The following FOXP1 variants were observed in gnomAD, a reference collection of about 807,000 sequenced individuals.
FOXP1 encodes forkhead box P1.
In FOXP1, 15 loss-of-function variants were observed where a neutral mutation model predicts 98.2. That is an observed-to-expected ratio of 0.15 (90% CI 0.10 to 0.24). The LOEUF (loss-of-function observed/expected upper bound fraction) is 0.24. Ranked by LOEUF, FOXP1 falls within the 10% of genes least tolerant of loss-of-function variation. The pLI is 1.00. For missense variants in FOXP1, 633 were observed against 848.5 expected, an observed-to-expected ratio of 0.75 and a Z score of 3.15; for synonymous variants, 371 against 314.5, an observed-to-expected ratio of 1.18 and a Z score of -1.90.
In FOXP1 at chr3:71,456,948, T is replaced by C. The variant is rs75492878; in HGVS notation, c.-168+36478A>G. ...CCTGGTAACTTATCTGAGAGATGTG[T>C]CATTTACCCTTAAAGACAGCAGAAT... is the stretch of plus-strand genomic sequence containing the variant. On this transcript the variant is annotated intron_variant, in intron 3 of 20. Transcript: ENST00000649528. Among the ~76,000 whole-genome samples the C allele has an allele frequency of 6.4e-4, 97 of 152,162 alleles. 1 individual carries two copies. The East Asian group carries it at 0.017, about 26-fold the overall frequency.
intron 12 of FOXP1, among the ~76,000 whole-genome samples, chr3:71,008,215 G>A (rs1347091542): frequency 6.6e-6 from 1 of 152,104 alleles, no homozygotes; most frequent in African/African-American, 2.4e-5. Flanking sequence ...TAAAAACAGG[G>A]AAATGTGGTC....
At chr3:71,514,449 T>C (rs2042416223) in intron 2 of FOXP1, among the ~76,000 whole-genome samples, 1 of 152,236 alleles carries the variant, frequency 6.6e-6, no homozygotes, top group South Asian at 2.1e-4. Flanking sequence ...TCTGTCTGTC[T>C]GCATCCTTTC....
At chr3:71,191,384 G>A (rs569080722) in intron 6 of FOXP1, among the ~76,000 whole-genome samples, 5 of 152,226 alleles carry the variant, frequency 3.3e-5, no homozygotes, top group South Asian at 2.1e-4. Flanking sequence ...TTAGCTCACC[G>A]GTCAGGGCTT....
At chr3:70,981,689 G>C (rs1222896335) in intron 14 of FOXP1, among the ~76,000 whole-genome samples, 2 of 152,176 alleles carry the variant, frequency 1.3e-5, no homozygotes, top group Non-Finnish European at 2.9e-5. Context: ...GAGCAGCTGT[G>C]GCCATTCCAA....
intron 3 of FOXP1, among the ~76,000 whole-genome samples, chr3:71,432,865 AATT>A (rs1175702663): frequency 0.027 from 4,033 of 148,014 alleles, 222 homozygotes; most frequent in African/African-American, 0.092. Flanking sequence ...AAAAAAAAAA[AATT>A]AAAAAAAAAA....
chr3:71,103,154 C>G (rs1343603461), intron 7 of FOXP1, among the ~76,000 whole-genome samples: 8 of 152,014 alleles, frequency 5.3e-5, no homozygotes, highest in Admixed American at 1.3e-4. Context: ...CACATTATCT[C>G]AAGATAGTGA....
intron 6 of FOXP1, among the ~76,000 whole-genome samples, chr3:71,185,711 C>G (rs1284596800): frequency 1.3e-5 from 2 of 152,192 alleles, no homozygotes; most frequent in Non-Finnish European, 2.9e-5. Flanking sequence ...ACTTACTTGT[C>G]TCAAAATTTA....
chr3:71,229,591 A>C (rs2066118577), intron 5 of FOXP1, among the ~76,000 whole-genome samples: 1 of 152,168 alleles, frequency 6.6e-6, no homozygotes, highest in Non-Finnish European at 1.5e-5. Flanking sequence ...CTGTCAGGGA[A>C]AAAAAGGGTT....
intron 6 of FOXP1, among the ~76,000 whole-genome samples, chr3:71,132,769 T>G (rs924003795): frequency 1.3e-5 from 2 of 152,190 alleles, no homozygotes; most frequent in African/African-American, 4.8e-5. Flanking sequence ...CAGTTTAGCA[T>G]TTGCCTTGTG....
rs544916383 is a variant in FOXP1 at position 70,979,279 on chromosome 3, CAAAAAAAAAAAAAAAAAAAA to C, written c.1147-1270_1147-1251del. Among the ~76,000 whole-genome samples the C allele has an allele frequency of 5.1e-3, 216 of 42,564 alleles. 2 individuals are homozygous for C. The highest frequency in any genetic ancestry group is 0.022 in the Middle Eastern group (1 of 46). The allele number at this position is 42,564 out of a possible 152,430, so 27.9% of individuals were successfully genotyped here. ...TGGGTGATAGAGTGAGACTCTACCT[CAAAAAAAAAAAAAAAAAAAA>C]AAAAAAAAAAAAAAAAAAAAAGAAA... On this transcript the variant is annotated intron_variant, in intron 14 of 20. Coordinates refer to ENST00000649528, the MANE Select transcript of FOXP1 (RefSeq NM_001349338.3).
chr3:71,261,864 A>T (rs1159568143), intron 5 of FOXP1, among the ~76,000 whole-genome samples: 1 of 152,186 alleles, frequency 6.6e-6, no homozygotes, highest in Non-Finnish European at 1.5e-5. Context: ...TTCCAATAAG[A>T]GGGTACACAA....
intron 6 of FOXP1, among the ~76,000 whole-genome samples, chr3:71,147,197 G>GC (rs1164737647): frequency 6.6e-6 from 1 of 152,098 alleles, no homozygotes; most frequent in African/African-American, 2.4e-5. Context: ...TTCCCTTCTT[G>GC]CCCCCTATAA....
intron 5 of FOXP1, among the ~76,000 whole-genome samples, chr3:71,231,483 C>T (rs9852249): frequency 0.021 from 3,256 of 152,194 alleles, 136 homozygotes; most frequent in African/African-American, 0.074. Context: ...GAGAGAATTA[C>T]TATAATTTAT....
chr3:70,972,420 C>T, intron 18 of FOXP1, 135 bp downstream of exon 18: 1 of 1,317,394 alleles, frequency 7.6e-7, no homozygotes, highest in Non-Finnish European at 1.1e-6. Context: ...GGATGAAATG[C>T]TTTTTTGCTT....
intron 2 of FOXP1, among the ~76,000 whole-genome samples, chr3:71,521,224 G>A (rs2042960449): frequency 6.6e-6 from 1 of 152,126 alleles, no homozygotes; most frequent in African/African-American, 2.4e-5. Context: ...ACTGTAATCT[G>A]AAGTAAATAT....
chr3:70,961,821 G>A (rs561748792), intron 20 of FOXP1, among the ~76,000 whole-genome samples: 137 of 152,252 alleles, frequency 9.0e-4, no homozygotes, highest in Middle Eastern at 6.8e-3. Flanking sequence ...AGTTACTTGG[G>A]AGGCTAAGGT....
At chr3:71,485,848 A>G (rs1387809440) in intron 3 of FOXP1, among the ~76,000 whole-genome samples, 2 of 151,918 alleles carry the variant, frequency 1.3e-5, no homozygotes, top group African/African-American at 4.8e-5. Flanking sequence ...ATTTTTTTCA[A>G]CTGAGGAAAA....
chr3:71,031,191 T>C (rs1219489028), intron 11 of FOXP1, among the ~76,000 whole-genome samples: 2 of 152,086 alleles, frequency 1.3e-5, no homozygotes, highest in African/African-American at 4.8e-5. Flanking sequence ...AAATACACAA[T>C]ACACAAAAGC....
chr3:71,116,101 C>T (rs759856810), intron 6 of FOXP1, among the ~76,000 whole-genome samples: 3 of 152,304 alleles, frequency 2.0e-5, no homozygotes, highest in African/African-American at 7.2e-5. Context: ...AAGTATAGAA[C>T]TTAAGTTTTC....
Sources: allele counts gnomAD v4.1 joint callset (sites outside exome capture counted in the v4.1 genomes callset), GRCh38; gene constraint gnomAD v4.1.1; transcripts MANE v1.5; gene names NCBI Gene and HGNC (gene_info 2026-07-23, HGNC 2026-07-21).